CSMD2: variants seen among roughly 807,000 people sequenced by gnomAD.
The protein encoded by CSMD2 is CUB and sushi domain-containing protein 2.
Under a neutral mutation model 398.5 loss-of-function variants are expected in CSMD2, and 130 were observed. The ratio of observed to expected loss-of-function variants is 0.33; its 90% CI spans 0.28 to 0.38. The LOEUF (loss-of-function observed/expected upper bound fraction) is 0.38, where lower values mean the gene tolerates loss of function less well. Among genes scored for constraint, CSMD2 ranks in the 10% least tolerant of loss-of-function variants. The pLI, the probability that CSMD2 is intolerant of heterozygous loss-of-function variation, is 1.00. For missense variants in CSMD2, 3,829 were observed against 4,764.9 expected (o/e 0.80, Z 5.78); for synonymous variants, 1,828 against 1,908.5 (o/e 0.96, Z 1.10).
intron 3 of CSMD2, among the ~76,000 whole-genome samples, chr1:34,009,778 C>A (rs996944418): frequency 6.6e-6 from 1 of 152,116 alleles, no homozygotes; most frequent in African/African-American, 2.4e-5. Flanking sequence ...CTCCTACCCC[C>A]ACTCCCCCAC....
chr1:33,622,195 A>G lies in CSMD2; in HGVS notation c.5799T>C (p.Ser1933=). 6.2e-7 allele frequency: 1 copy of G among 1,614,052 alleles called. No individual in the cohort carries two copies. Among genetic ancestry groups the G allele is most frequent in the Non-Finnish European group, 8.5e-7 (1 of 1,179,918 alleles). Residue 1933 remains serine, a synonymous_variant, in exon 37 of 71, where the codon TCT becomes TCC. Coordinates refer to ENST00000373381, the MANE Select transcript of CSMD2 (RefSeq NM_001281956.2). ...YLHFYSDISV[S]AAGFHLEYKT... is the part of the protein sequence containing the mutation. ...TGTACTCCAAGTGGAAGCCAGCTGC[A>G]GATACGCTGATATCTGAGTAGAAAT...
chr1:33,547,275 T>C (rs1421375724), intron 56 of CSMD2, among the ~76,000 whole-genome samples: 2 of 152,176 alleles, frequency 1.3e-5, no homozygotes, highest in Non-Finnish European at 2.9e-5. Context: ...AGATCTATGG[T>C]CCCCTGCAGG....
chr1:33,872,735 G>A (rs1186701591), intron 5 of CSMD2, among the ~76,000 whole-genome samples: 1 of 152,118 alleles, frequency 6.6e-6, no homozygotes, highest in Non-Finnish European at 1.5e-5. Context: ...AATAAAATGA[G>A]GCCATTGGAC....
At position 33,587,118 on chromosome 1, in the gene CSMD2, C is replaced by T; in HGVS notation, c.6907G>A (p.Val2303Ile). ...PPPTILPNAE[V>I]VTENEEFNIG... is the part of the protein sequence containing the mutation. The stretch of plus-strand genomic sequence containing the variant: ...TTGAATTCTTCATTCTCTGTGACGA[C>T]TTCGGCGTTGGGGAGGATGGTGGGA... The change falls in exon 45 of 71, where the codon GTC becomes ATC. Residue 2303 changes from valine (V) to isoleucine (I), a missense_variant. Physicochemically the swap from Val to Ile is conservative, Grantham distance 29. Coordinates refer to ENST00000373381, the MANE Select transcript of CSMD2 (RefSeq NM_001281956.2). 4 of 1,610,050 alleles carry T rather than the reference C, an allele frequency of 2.5e-6. No homozygotes were observed. Among genetic ancestry groups the T allele is most frequent in the Non-Finnish European group, 3.4e-6 (4 of 1,178,526 alleles).
chr1:34,133,784 G>A (rs561721465), intron 1 of CSMD2, among the ~76,000 whole-genome samples: 8 of 151,920 alleles, frequency 5.3e-5, no homozygotes, highest in Admixed American at 2.0e-4. Context: ...TATAAAACTC[G>A]GGCAGGCTGG....
intron 1 of CSMD2, among the ~76,000 whole-genome samples, chr1:34,137,060 C>T (rs1638823957): frequency 6.6e-6 from 1 of 152,064 alleles, no homozygotes; most frequent in South Asian, 2.1e-4. Context: ...TTATCCATCC[C>T]CCCATCTAAT....
intron 66 of CSMD2, among the ~76,000 whole-genome samples, chr1:33,524,350 A>G (rs538910455): frequency 2.0e-5 from 3 of 152,318 alleles, no homozygotes; most frequent in African/African-American, 7.2e-5. Flanking sequence ...ATTGTTAGAA[A>G]TGTAATTAAT....
At chr1:33,582,798 C>T (rs1411742347) in intron 47 of CSMD2, among the ~76,000 whole-genome samples, 1 of 152,132 alleles carries the variant, frequency 6.6e-6, no homozygotes, top group Non-Finnish European at 1.5e-5. Context: ...AAAGTAGGAG[C>T]CTCAATTGTA....
intron 5 of CSMD2, among the ~76,000 whole-genome samples, chr1:33,868,059 T>C (rs1640165796): frequency 6.6e-6 from 1 of 152,120 alleles, no homozygotes; most frequent in Non-Finnish European, 1.5e-5. Flanking sequence ...GACTGTAATG[T>C]AATGACAATG....
chr1:33,700,692 C>A lies in CSMD2; in HGVS notation c.3577-19G>T. The A allele has an allele frequency of 6.2e-7, 1 of 1,613,854 alleles. No homozygotes were observed. On this transcript the variant is annotated intron_variant, in intron 22 of 70. Transcript: ENST00000373381. Reference sequence around the variant, plus strand: ...CATAAACCTGGACACAGGAGAGACCCCCAACCCAATGTCGTCAGCATGGCC... The same window carrying A: ...CATAAACCTGGACACAGGAGAGACCACCAACCCAATGTCGTCAGCATGGCC...
intron 55 of CSMD2, among the ~76,000 whole-genome samples, chr1:33,554,677 G>A (rs1042634719): frequency 6.6e-6 from 1 of 152,100 alleles, no homozygotes; most frequent in Non-Finnish European, 1.5e-5. Context: ...TTCCAAATCT[G>A]CTCTGCTTGT....
chr1:33,663,193 ACAAAG>A, intron 25 of CSMD2, 101 bp from the exon 26 acceptor site: 2 of 964,620 alleles, frequency 2.1e-6, no homozygotes, highest in Non-Finnish European at 3.1e-6. Flanking sequence ...CCCTAAACCT[ACAAAG>A]CCCTAAACCT....
chr1:33,963,334 G>A (rs12563385), intron 3 of CSMD2, among the ~76,000 whole-genome samples: 9,156 of 152,256 alleles, frequency 0.06, 339 homozygotes, highest in East Asian at 0.095. Context: ...GATTTATTTG[G>A]TCTTGGATGA....
Position 34,164,378 on chromosome 1 carries a change from A to T in CSMD2, c.187+533T>A, listed in dbSNP as rs1206569279. 6.6e-6 allele frequency among the ~76,000 whole-genome samples: 1 copy of T among 151,986 alleles called. No individual in the cohort carries two copies. The highest frequency in any genetic ancestry group is 1.5e-5 in the Non-Finnish European group (1 of 67,968). ...GAGGGGGATGGCGGCCGCAGTCTGCAGTCGGTTCCAGAGGGGGCACCGGTT... is the reference window on the plus strand; with the variant it reads ...GAGGGGGATGGCGGCCGCAGTCTGCTGTCGGTTCCAGAGGGGGCACCGGTT... On this transcript the variant is annotated intron_variant, in intron 1 of 70. Coordinates refer to ENST00000373381, the MANE Select transcript of CSMD2 (RefSeq NM_001281956.2). This position sits in a 1 kb window ranked among gnomAD's most constrained non-coding sequence, Gnocchi z 6.2.
At chr1:33,571,470 A>C (rs1659590983) in intron 51 of CSMD2, 62 bp downstream of exon 51, 2 of 1,300,418 alleles carry the variant, frequency 1.5e-6, no homozygotes, top group Non-Finnish European at 2.0e-6. Flanking sequence ...CACTCCATGC[A>C]TGAGACAGCT....
At chr1:34,086,116 A>T (rs559788496) in intron 2 of CSMD2, among the ~76,000 whole-genome samples, 2 of 152,274 alleles carry the variant, frequency 1.3e-5, no homozygotes, top group South Asian at 4.1e-4. Flanking sequence ...GGACAAGCTT[A>T]AATAACTCCA....
chr1:33,822,348 A>C (rs1004354786), intron 7 of CSMD2, among the ~76,000 whole-genome samples: 4 of 152,092 alleles, frequency 2.6e-5, no homozygotes, highest in Non-Finnish European at 4.4e-5. Flanking sequence ...GAAGTAAGGA[A>C]GGTGGGGAGC....
At chr1:34,001,989 G>C (rs1646919219) in intron 3 of CSMD2, among the ~76,000 whole-genome samples, 1 of 152,118 alleles carries the variant, frequency 6.6e-6, no homozygotes, top group South Asian at 2.1e-4. Context: ...TATTTGAGGA[G>C]CTAATGTCTA....
intron 13 of CSMD2, among the ~76,000 whole-genome samples, chr1:33,758,675 C>A (rs1649375523): frequency 6.6e-6 from 1 of 152,194 alleles, no homozygotes; most frequent in African/African-American, 2.4e-5. Context: ...TTGTTCTCTC[C>A]TTGCCCTTGC....
Sources: allele counts gnomAD v4.1 joint callset (sites outside exome capture counted in the v4.1 genomes callset), GRCh38; gene constraint gnomAD v4.1.1; non-coding constraint Gnocchi (gnomAD v3.1); transcripts MANE v1.5; gene names NCBI Gene and HGNC (gene_info 2026-07-23, HGNC 2026-07-21).